Variants in CHODL observed in about 807,000 individuals in gnomAD.
The protein encoded by CHODL is chondrolectin.
In CHODL, 29 loss-of-function variants were observed where a neutral mutation model predicts 34.5. The observed-to-expected ratio is 0.84, with a 90% confidence interval of 0.63 to 1.15. CHODL has a LOEUF of 1.15. Among genes scored for constraint, CHODL ranks in the 50% most tolerant of loss-of-function variants. The pLI is 0.00. For missense variants in CHODL, 332 were observed against 332.5 expected (o/e 1.00, Z 0.01); for synonymous variants, 125 against 116.1 (o/e 1.08, Z -0.49).
At chr21:18,231,278 G>A (rs11909015) in intron 2 of CHODL, among the ~76,000 whole-genome samples, 15,542 of 152,162 alleles carry the variant, frequency 0.1, 915 homozygotes, top group African/African-American at 0.13. Context: ...TTTTGGATCC[G>A]ACGTCATGAA....
chr21:18,173,531 T>C (rs1047027626), intron 2 of CHODL, among the ~76,000 whole-genome samples: 9 of 152,208 alleles, frequency 5.9e-5, no homozygotes, highest in Admixed American at 2.6e-4. Context: ...ACAAATGTAG[T>C]CAAAATCTAA....
chr21:18,224,260 C>G (rs1057050987), intron 2 of CHODL, among the ~76,000 whole-genome samples: 1 of 152,102 alleles, frequency 6.6e-6, no homozygotes, highest in African/African-American at 2.4e-5. Context: ...AGCCACTGAT[C>G]GGCTAGAATA....
chr21:18,187,848 G>T (rs907049726), intron 2 of CHODL, among the ~76,000 whole-genome samples: 6 of 151,822 alleles, frequency 4.0e-5, no homozygotes, highest in African/African-American at 1.2e-4. Context: ...TTCTTATCTT[G>T]AATAAAAGAT....
At chr21:17,930,224 CTG>C in intron 1 of CHODL, among the ~76,000 whole-genome samples, 1 of 152,238 alleles carries the variant, frequency 6.6e-6, no homozygotes, top group South Asian at 2.1e-4. Flanking sequence ...TTAGCTTTCA[CTG>C]CTCTCACTGA....
intron 5 of CHODL, among the ~76,000 whole-genome samples, chr21:18,263,153 C>T (rs758933407): frequency 2.6e-5 from 4 of 152,032 alleles, no homozygotes; most frequent in Non-Finnish European, 5.9e-5. Context: ...CCTAGTCTGC[C>T]TTGGGTACCA....
intron 2 of CHODL, among the ~76,000 whole-genome samples, chr21:18,213,078 C>G (rs182628198): frequency 1.3e-3 from 200 of 152,230 alleles, no homozygotes; most frequent in Non-Finnish European, 2.2e-3. Flanking sequence ...AACAAATGAT[C>G]TGGGTCCAAA....
At chr21:18,251,158 A>G (rs115871023) in intron 1 of CHODL, among the ~76,000 whole-genome samples, 1,528 of 151,288 alleles carry the variant, frequency 0.01, 20 homozygotes, top group African/African-American at 0.035. Flanking sequence ...TGCCAAGAGC[A>G]TTTAAACCTC....
chr21:17,952,211 A>G (rs1042844241), intron 1 of CHODL, among the ~76,000 whole-genome samples: 16 of 151,226 alleles, frequency 1.1e-4, no homozygotes, highest in Non-Finnish European at 1.8e-4. Context: ...AAAAAAAAAA[A>G]AAAAGAAATA....
intron 1 of CHODL, among the ~76,000 whole-genome samples, chr21:17,972,825 A>G (rs1409451004): frequency 6.6e-6 from 1 of 152,226 alleles, no homozygotes; most frequent in African/African-American, 2.4e-5. Context: ...AAAAGAGCCC[A>G]TATAGCCAAG....
At chr21:18,186,260 T>A (rs1031847550) in intron 2 of CHODL, among the ~76,000 whole-genome samples, 1 of 152,098 alleles carries the variant, frequency 6.6e-6, no homozygotes. Context: ...GTCTAGAATA[T>A]AAGCTCATTC....
chr21:17,954,477 C>T (rs1338807686), intron 1 of CHODL, among the ~76,000 whole-genome samples: 1 of 139,418 alleles, frequency 7.2e-6, no homozygotes, highest in East Asian at 2.1e-4. Context: ...GAAGGTTGTC[C>T]TCTCCAATGT....
chr21:18,115,483 C>T (rs1396738531), intron 2 of CHODL, among the ~76,000 whole-genome samples: 1 of 152,206 alleles, frequency 6.6e-6, no homozygotes, highest in East Asian at 1.9e-4. Context: ...TTTTTCCACA[C>T]CTCCATCCAT....
chr21:18,109,202 A>G (rs571254104), intron 2 of CHODL, among the ~76,000 whole-genome samples: 29 of 152,292 alleles, frequency 1.9e-4, no homozygotes, highest in African/African-American at 7.0e-4. Flanking sequence ...CATGAAAATC[A>G]TCTCAATCTC....
intron 1 of CHODL, among the ~76,000 whole-genome samples, chr21:18,246,495 A>C (rs921654055): frequency 1.3e-5 from 2 of 152,210 alleles, no homozygotes; most frequent in African/African-American, 4.8e-5. Context: ...TATAGTTCTT[A>C]CATGTGTAGT....
At chr21:17,971,265 G>C (rs2063612178) in intron 1 of CHODL, among the ~76,000 whole-genome samples, 1 of 152,224 alleles carries the variant, frequency 6.6e-6, no homozygotes. Flanking sequence ...GGGATTGCTG[G>C]GTCAAATGGT....
intron 2 of CHODL, among the ~76,000 whole-genome samples, chr21:18,216,610 G>A (rs1459794956): frequency 1.3e-5 from 2 of 152,118 alleles, no homozygotes; most frequent in Non-Finnish European, 2.9e-5. Context: ...AATGACAAGC[G>A]TATTAGTCAG....
rs1329948767 is a variant in CHODL at position 18,245,177 on chromosome 21, A to G, written c.-47A>G. On this transcript the variant is annotated 5_prime_UTR_variant, in exon 1 of 6. Transcript: ENST00000299295. ...GAGTCGCGGGCTGCGCCCTGGGCAGAGGCCGCCCTCGCTCCACGCAACACC... is the reference window on the plus strand; with the variant it reads ...GAGTCGCGGGCTGCGCCCTGGGCAGGGGCCGCCCTCGCTCCACGCAACACC... 2.2e-6 allele frequency: 3 copies of G among 1,356,890 alleles called. No individual in the cohort carries two copies. In the Admixed American group the frequency reaches 6.5e-5, roughly 29 times the overall value. 84.1% of individuals were successfully genotyped at this position (1,356,890 alleles called of 1,614,324 possible). A position where few individuals can be genotyped will look rare whatever the true frequency, so the allele number is the denominator to read the frequency against.
intron 2 of CHODL, among the ~76,000 whole-genome samples, chr21:18,028,325 T>TCCTA (rs2064206748): frequency 6.8e-6 from 1 of 146,442 alleles, no homozygotes; most frequent in African/African-American, 2.5e-5. Context: ...CTTCCTTCCT[T>TCCTA]CCTTCCTCTC....
At position 18,083,701 on chromosome 21, in the gene CHODL, G is replaced by T. The variant is rs187069451; in HGVS notation, c.-45+55730G>T. ...TTTAATATTTAATGACTGCCCTGCTGGGCTTTGGACTTGCATGGGGCATGT... is the reference window on the plus strand; with the variant it reads ...TTTAATATTTAATGACTGCCCTGCTTGGCTTTGGACTTGCATGGGGCATGT... On this transcript the variant is annotated intron_variant, in intron 2 of 6. Coordinates refer to the CHODL transcript ENST00000400127. 5.9e-5 allele frequency among the ~76,000 whole-genome samples: 9 copies of T among 152,312 alleles called. No homozygotes were observed. In the East Asian group the frequency reaches 1.5e-3, roughly 26 times the overall value.
Sources: gnomAD v4.1 joint callset for allele counts (sites outside exome capture counted in the v4.1 genomes callset) on GRCh38, gnomAD v4.1.1 for gene constraint, MANE v1.5 for transcripts, NCBI Gene and HGNC (gene_info 2026-07-23, HGNC 2026-07-21) for gene names.